The following DMXL1 variants were observed in gnomAD, a reference collection of about 807,000 sequenced individuals.
DMXL1 encodes the protein Dmx like 1, also known as dmX-like protein 1.
A neutral mutation model predicts 319.2 loss-of-function variants in DMXL1; 99 were observed. The ratio of observed to expected loss-of-function variants is 0.31; its 90% confidence interval spans 0.26 to 0.37. The LOEUF (loss-of-function observed/expected upper bound fraction) is 0.37. Ranked by LOEUF, DMXL1 falls within the 10% of genes least tolerant of loss-of-function variation. The pLI is 1.00. For missense variants in DMXL1, 3,745 were observed against 3,595.6 expected (o/e 1.04, Z -1.06); for synonymous variants, 1,385 against 1,235.2 (o/e 1.12, Z -2.54).
intron 1 of DMXL1, among the ~76,000 whole-genome samples, chr5:119,073,058 A>C (rs986127119): frequency 1.1e-4 from 17 of 152,126 alleles, no homozygotes; most frequent in African/African-American, 4.1e-4. Flanking sequence ...AATTCTAAGA[A>C]CTTTTGCTTT....
In DMXL1 at chr5:119,177,457, C is replaced by T; in HGVS notation, c.6859C>T (p.Pro2287Ser). 1 of 1,608,840 alleles carries T rather than the reference C, an allele frequency of 6.2e-7. No individual in the cohort carries two copies. The highest frequency in any genetic ancestry group is 8.5e-7 in the Non-Finnish European group (1 of 1,177,012). Reference protein sequence around the residue: ...KTGSLDEALTPNTSPAQWPGI... With the variant: ...KTGSLDEALTSNTSPAQWPGI... ...AGGAAGCTTAGATGAAGCATTAACT[C>T]CCAATACGTCACCAGCTCAATGGCC... The change falls in exon 27 of 44, where the codon CCC (proline) becomes TCC (serine). Residue 2287 changes from proline (P) to serine (S), a missense_variant. Coordinates refer to ENST00000539542, the MANE Select transcript of DMXL1 (RefSeq NM_001290321.3).
chr5:119,148,108 G>T (rs1260549415), intron 17 of DMXL1, among the ~76,000 whole-genome samples: 3 of 152,138 alleles, frequency 2.0e-5, no homozygotes, highest in African/African-American at 7.2e-5. Context: ...AACTAATAGT[G>T]CATGATTACT....
chr5:119,191,887 A>G (rs1381482577), intron 29 of DMXL1, among the ~76,000 whole-genome samples: 5 of 152,218 alleles, frequency 3.3e-5, no homozygotes, highest in Non-Finnish European at 7.3e-5. Flanking sequence ...ATCAGATCCC[A>G]TAGATTTTTA....
intron 42 of DMXL1, among the ~76,000 whole-genome samples, chr5:119,243,808 TCTC>T (rs1027074990): frequency 4.6e-5 from 7 of 152,216 alleles, no homozygotes; most frequent in Non-Finnish European, 1.0e-4. Context: ...GGATTTTTCT[TCTC>T]CTTATGGGTT....
intron 19 of DMXL1, among the ~76,000 whole-genome samples, chr5:119,157,259 C>T (rs1176165256): frequency 6.6e-6 from 1 of 152,196 alleles, no homozygotes; most frequent in African/African-American, 2.4e-5. Context: ...GATATTATTT[C>T]CCAATCCACG....
Position 119,220,495 on chromosome 5 carries a change from C to A in DMXL1, c.8037C>A (p.Ile2679=). 6.2e-7 allele frequency: 1 copy of A among 1,613,774 alleles called. No individual in the cohort carries two copies. The highest frequency in any genetic ancestry group is 8.5e-7 in the Non-Finnish European group (1 of 1,179,828). ...VNKANRNCIA[I]ASSHDVQELD... The stretch of plus-strand genomic sequence containing the variant: ...AGGCAAATAGAAACTGCATAGCAAT[C>A]GCTTCCAGTCATGATGTTCAAGAAC... Residue 2679 remains isoleucine, a synonymous_variant, in exon 36 of 44, where the codon ATC becomes ATA. Coordinates refer to ENST00000539542, the MANE Select transcript of DMXL1 (RefSeq NM_001290321.3).
chr5:119,156,401 T>C (rs1771068988), intron 19 of DMXL1, among the ~76,000 whole-genome samples: 1 of 152,256 alleles, frequency 6.6e-6, no homozygotes, highest in Non-Finnish European at 1.5e-5. Context: ...TTACTCATTT[T>C]ATTGCAATAT....
At chr5:119,111,431 A>G (rs1004016022) in intron 5 of DMXL1, among the ~76,000 whole-genome samples, 2 of 152,230 alleles carry the variant, frequency 1.3e-5, no homozygotes, top group Non-Finnish European at 2.9e-5. Flanking sequence ...AGGTTAAATA[A>G]AAAATATTAA....
In DMXL1 at chr5:119,147,550, A is replaced by C; in HGVS notation, c.2911+80A>C. The C allele has an allele frequency of 4.5e-6, 4 of 892,440 alleles. No individual in the cohort carries two copies. In the South Asian group the frequency reaches 6.2e-5, roughly 14 times the overall value. The allele number at this position is 892,440 out of a possible 1,614,324, so 55.3% of individuals were successfully genotyped here. On this transcript the variant is annotated intron_variant, in intron 17 of 43. Transcript: ENST00000539542. ...GTATTTAAAAATAGGTGCTGCAACT[A>C]TCTCTTAAATCCACACAGAACTAGA... is the stretch of plus-strand genomic sequence containing the variant.
intron 1 of DMXL1, among the ~76,000 whole-genome samples, chr5:119,080,437 T>C (rs1751948298): frequency 6.6e-6 from 1 of 152,200 alleles, no homozygotes; most frequent in Non-Finnish European, 1.5e-5. Context: ...TTTGTTTTGT[T>C]CGTCCTCCTG....
chr5:119,241,716 G>A (rs1788857766), intron 42 of DMXL1, among the ~76,000 whole-genome samples: 1 of 152,102 alleles, frequency 6.6e-6, no homozygotes, highest in African/African-American at 2.4e-5. Context: ...TTCCCATGGT[G>A]TTATTCAAGG....
chr5:119,117,970 A>G (rs1246413126), intron 7 of DMXL1, among the ~76,000 whole-genome samples: 1 of 152,256 alleles, frequency 6.6e-6, no homozygotes, highest in Non-Finnish European at 1.5e-5. Flanking sequence ...AGTTACTACT[A>G]CAAAATATTG....
At chr5:119,190,506 A>G (rs963231616) in intron 29 of DMXL1, among the ~76,000 whole-genome samples, 1 of 152,240 alleles carries the variant, frequency 6.6e-6, no homozygotes, top group Non-Finnish European at 1.5e-5. Context: ...ACAGCAAAGC[A>G]TGCAGTTGTT....
In DMXL1 at chr5:119,109,560, G is replaced by T. The variant is rs73242923; in HGVS notation, c.365-591G>T. ...TAGTAATTTTTTTTCTAGCCTATCT[G>T]TGTACGTTATTCGTTAACCTATACC... On this transcript the variant is annotated intron_variant, in intron 4 of 43. Coordinates refer to ENST00000539542, the MANE Select transcript of DMXL1 (RefSeq NM_001290321.3). Among the ~76,000 whole-genome samples the T allele has an allele frequency of 1.8e-3, 273 of 152,234 alleles. 1 individual carries two copies. The highest frequency in any genetic ancestry group is 6.0e-3 in the African/African-American group (251 of 41,540).
intron 5 of DMXL1, among the ~76,000 whole-genome samples, chr5:119,111,987 G>A (rs1244771754): frequency 1.3e-5 from 2 of 151,614 alleles, no homozygotes; most frequent in Non-Finnish European, 2.9e-5. Context: ...TTGAGACGAA[G>A]TCTCGCTCTG....
In DMXL1 at chr5:119,120,951, T is replaced by G. The variant is rs1761909048; in HGVS notation, c.934-20T>G. 6.3e-7 allele frequency: 1 copy of G among 1,594,502 alleles called. No homozygotes were observed. The highest frequency in any genetic ancestry group is 8.5e-7 in the Non-Finnish European group (1 of 1,172,104). ...TGACTTTTGACAATATAGGTATTAG[T>G]TTTGTTTCTATTCACACAGGTAAAT... On this transcript the variant is annotated intron_variant, in intron 8 of 43. Coordinates refer to ENST00000539542, the MANE Select transcript of DMXL1 (RefSeq NM_001290321.3).
chr5:119,193,040 A>G (rs1778970958), intron 29 of DMXL1, among the ~76,000 whole-genome samples: 1 of 152,048 alleles, frequency 6.6e-6, no homozygotes, highest in South Asian at 2.1e-4. Flanking sequence ...CTAACCACCT[A>G]TGTCCAACCT....
chr5:119,074,017 C>A (rs1750253395), intron 1 of DMXL1, among the ~76,000 whole-genome samples: 1 of 151,818 alleles, frequency 6.6e-6, no homozygotes, highest in Non-Finnish European at 1.5e-5. Flanking sequence ...CTCCTGTGTT[C>A]AAGAGATTCT....
At chr5:119,196,595 TA>T in intron 31 of DMXL1, 139 bp downstream of exon 31, 3 of 636,950 alleles carry the variant, frequency 4.7e-6, no homozygotes, top group South Asian at 1.9e-5. Flanking sequence ...TTCTTTTAAC[TA>T]AACCAACCAT....
Sources: allele counts gnomAD v4.1 joint callset (sites outside exome capture counted in the v4.1 genomes callset), GRCh38; gene constraint gnomAD v4.1.1; transcripts MANE v1.5; gene names NCBI Gene and HGNC (gene_info 2026-07-23, HGNC 2026-07-21).